DENND6A: variants seen among roughly 807,000 people sequenced by gnomAD.
The protein encoded by DENND6A is protein DENND6A.
Under a neutral mutation model 95.5 loss-of-function variants are expected in DENND6A, and 43 were observed. The observed-to-expected ratio is 0.45, with a 90% CI of 0.35 to 0.58. The LOEUF (loss-of-function observed/expected upper bound fraction) is 0.58. DENND6A is among the 20% of genes least tolerant of loss of function. The pLI is 0.00. For missense variants in DENND6A, 574 were observed against 736.0 expected (o/e 0.78, Z 2.55); for synonymous variants, 257 against 260.4 (o/e 0.99, Z 0.13).
intron 3 of DENND6A, among the ~76,000 whole-genome samples, chr3:57,669,014 G>A (rs35161449): frequency 0.17 from 25,652 of 151,802 alleles, 2,724 homozygotes; most frequent in East Asian, 0.48. Flanking sequence ...CTGGGACTAC[G>A]GGCACACACC....
rs1470621507 is a variant in DENND6A at position 57,648,666 on chromosome 3, G to A, written c.819-2228C>T. 2.0e-5 allele frequency among the ~76,000 whole-genome samples: 3 copies of A among 152,102 alleles called. No individual in the cohort carries two copies. In the East Asian group the frequency reaches 5.8e-4, roughly 29 times the overall value. On this transcript the variant is annotated intron_variant, in intron 9 of 19. Transcript: ENST00000311128. Reference sequence around the variant, plus strand: ...ACAGCATGGTACTGGTATAAAAATAGGCATATAGACCAATGGAACAGAACA... The same window carrying A: ...ACAGCATGGTACTGGTATAAAAATAAGCATATAGACCAATGGAACAGAACA...
At chr3:57,653,762 A>G (rs943019140) in intron 9 of DENND6A, among the ~76,000 whole-genome samples, 1 of 150,128 alleles carries the variant, frequency 6.7e-6, no homozygotes, top group Non-Finnish European at 1.5e-5. Flanking sequence ...AAAAAAAAAA[A>G]AGGTAGCGTG....
At chr3:57,661,945 C>G (rs2071430184) in intron 5 of DENND6A, among the ~76,000 whole-genome samples, 1 of 152,018 alleles carries the variant, frequency 6.6e-6, no homozygotes, top group South Asian at 2.1e-4. Context: ...TTATATTTTA[C>G]AGTTCAACTG....
intron 1 of DENND6A, among the ~76,000 whole-genome samples, chr3:57,678,371 C>T (rs1486666429): frequency 6.6e-6 from 1 of 152,170 alleles, no homozygotes; most frequent in Non-Finnish European, 1.5e-5. Flanking sequence ...ACTGAACTGC[C>T]CTCAGAGGGG....
chr3:57,633,653 G>T (rs1364232731), intron 14 of DENND6A, among the ~76,000 whole-genome samples: 2 of 152,180 alleles, frequency 1.3e-5, no homozygotes, highest in Non-Finnish European at 2.9e-5. Flanking sequence ...CTTTGGGAAG[G>T]TGAGGTGGGT....
chr3:57,679,148 A>G (rs2077136295), intron 1 of DENND6A, among the ~76,000 whole-genome samples: 1 of 152,220 alleles, frequency 6.6e-6, no homozygotes, highest in South Asian at 2.1e-4. Context: ...GTCTTTTGGT[A>G]TTTTGTTATA....
In DENND6A at chr3:57,633,344, T is replaced by C; in HGVS notation, c.1274A>G (p.Gln425Arg). Residue 425 changes from glutamine to arginine, a missense_variant, in exon 15 of 20, where the codon CAG becomes CGG. By Grantham distance (43) the Gln-to-Arg change is conservative. Around this residue, in one of 2 missense-constraint regions of DENND6A, gnomAD observed 452 missense variants for 630.9 expected, o/e 0.72. Coordinates refer to ENST00000311128, the MANE Select transcript of DENND6A (RefSeq NM_152678.3). ...IIKQLQKGVQ[Q>R]KRPSEAQSVI... ...ACTTTGAGCCTCAGAAGGACGTTTCTGTTGTACACCCTTAAAAGAGGAAAT... is the reference window on the plus strand; with the variant it reads ...ACTTTGAGCCTCAGAAGGACGTTTCCGTTGTACACCCTTAAAAGAGGAAAT... The C allele has an allele frequency of 6.2e-7, 1 of 1,613,606 alleles. No homozygotes were observed. The highest frequency in any genetic ancestry group is 8.5e-7 in the Non-Finnish European group (1 of 1,179,748).
rs1019445313 is a variant in DENND6A at position 57,626,944 on chromosome 3, G to A, written c.*1270C>T. The A allele has an allele frequency of 2.6e-5, 4 of 152,170 alleles. No homozygotes were observed. The highest frequency in any genetic ancestry group is 6.6e-5 in the Admixed American group (1 of 15,242). 9.4% of individuals were successfully genotyped at this position (152,170 alleles called of 1,614,324 possible). A position where few individuals can be genotyped will look rare whatever the true frequency, so the allele number is the denominator to read the frequency against. Reference sequence around the variant, plus strand: ...ACATTAATGTTGGGAAAAATAAAACGCTACCAAACAAATAATGCCAGAAAT... The same window carrying A: ...ACATTAATGTTGGGAAAAATAAAACACTACCAAACAAATAATGCCAGAAAT... On this transcript the variant is annotated 3_prime_UTR_variant, in exon 20 of 20. Transcript: ENST00000311128.
At chr3:57,635,466 T>C (rs1284329601) in intron 12 of DENND6A, among the ~76,000 whole-genome samples, 1 of 152,126 alleles carries the variant, frequency 6.6e-6, no homozygotes, top group African/African-American at 2.4e-5. Flanking sequence ...CTTAAAAGTG[T>C]CATGAACAAA....
chr3:57,656,375 G>C (rs375895978), intron 9 of DENND6A, among the ~76,000 whole-genome samples: 5 of 152,078 alleles, frequency 3.3e-5, no homozygotes, highest in South Asian at 2.1e-4. Flanking sequence ...TTTAACTGCT[G>C]AATAGTATTC....
chr3:57,632,322 T>C (rs564684498), intron 15 of DENND6A, among the ~76,000 whole-genome samples: 12 of 151,454 alleles, frequency 7.9e-5, no homozygotes, highest in African/African-American at 2.9e-4. Context: ...CCACGCCCAG[T>C]CCATGCTCTT....
chr3:57,657,216 T>G (rs1040093264), intron 9 of DENND6A, among the ~76,000 whole-genome samples: 2 of 152,210 alleles, frequency 1.3e-5, no homozygotes, highest in African/African-American at 4.8e-5. Flanking sequence ...TCATTTTCCA[T>G]GTTGACATTT....
intron 1 of DENND6A, 74 bp downstream of exon 1, chr3:57,692,708 G>C (rs1575880337): frequency 7.5e-7 from 1 of 1,325,292 alleles, no homozygotes; most frequent in Middle Eastern, 2.4e-4. Context: ...CGGTCAGCCC[G>C]CGGGCCGCTG....
intron 1 of DENND6A, among the ~76,000 whole-genome samples, chr3:57,692,566 G>T (rs1657024035): frequency 6.6e-6 from 1 of 152,230 alleles, no homozygotes; most frequent in Non-Finnish European, 1.5e-5. Context: ...TTTAGGAGGG[G>T]CCTAGAGAGA....
intron 11 of DENND6A, among the ~76,000 whole-genome samples, chr3:57,645,057 A>G (rs1291508810): frequency 6.6e-6 from 1 of 152,040 alleles, no homozygotes; most frequent in Non-Finnish European, 1.5e-5. Context: ...GCTAAAAGGG[A>G]AAGGGTAAGA....
chr3:57,663,226 G>A (rs935659572), intron 5 of DENND6A, among the ~76,000 whole-genome samples: 1 of 149,434 alleles, frequency 6.7e-6, no homozygotes, highest in African/African-American at 2.5e-5. Flanking sequence ...CAGCACTCTG[G>A]GAAGCTGAGG....
intron 15 of DENND6A, 156 bp from the exon 16 acceptor site, chr3:57,631,134 G>A (rs1157864382): frequency 3.2e-6 from 2 of 620,024 alleles, no homozygotes; most frequent in African/African-American, 3.7e-5. Context: ...GCTAAATTTA[G>A]ACTGACTTGG....
At chr3:57,639,491 G>C (rs113027134) in intron 12 of DENND6A, among the ~76,000 whole-genome samples, 70 of 152,264 alleles carry the variant, frequency 4.6e-4, no homozygotes, top group African/African-American at 1.5e-3. Flanking sequence ...ATAATTAATA[G>C]TCTAAATTAG....
chr3:57,633,889 C>T (rs1426094164), intron 14 of DENND6A, among the ~76,000 whole-genome samples: 2 of 148,312 alleles, frequency 1.3e-5, no homozygotes, highest in African/African-American at 5.0e-5. Flanking sequence ...GAAACTCCAT[C>T]TCAAAAAAAA....
Sources: gnomAD v4.1 joint callset for allele counts (sites outside exome capture counted in the v4.1 genomes callset) on GRCh38, gnomAD v4.1.1 for gene constraint, gnomAD v4.1.1 regional missense constraint, MANE v1.5 for transcripts, NCBI Gene and HGNC (gene_info 2026-07-23, HGNC 2026-07-21) for gene names.